The following PTPRM variants were observed in gnomAD, a reference collection of about 807,000 sequenced individuals.
PTPRM encodes protein tyrosine phosphatase receptor type M.
Under a neutral mutation model 186.7 loss-of-function variants are expected in PTPRM, and 47 were observed. The ratio of observed to expected loss-of-function variants is 0.25; its 90% CI spans 0.20 to 0.32. The LOEUF is 0.32. Ranked by LOEUF, PTPRM falls within the 10% of genes least tolerant of loss-of-function variation. PTPRM has a pLI of 1.00. For missense variants in PTPRM, 1,494 were observed against 1,865.0 expected, an observed-to-expected ratio of 0.80 and a Z score of 3.66; for synonymous variants, 668 against 674.9, an observed-to-expected ratio of 0.99 and a Z score of 0.16.
At chr18:7,929,768 C>A (rs1307623010) in intron 5 of PTPRM, among the ~76,000 whole-genome samples, 1 of 152,088 alleles carries the variant, frequency 6.6e-6, no homozygotes, top group Non-Finnish European at 1.5e-5. Context: ...TGCCCTCTTG[C>A]CCAGGACCCC....
chr18:8,151,607 C>T (rs1348495232), intron 14 of PTPRM, among the ~76,000 whole-genome samples: 4 of 150,888 alleles, frequency 2.7e-5, no homozygotes, highest in African/African-American at 9.8e-5. Flanking sequence ...CTGAGGCAGA[C>T]CACTTGGTTC....
chr18:8,392,438 C>T (rs986816236), intron 31 of PTPRM, among the ~76,000 whole-genome samples: 3 of 152,062 alleles, frequency 2.0e-5, no homozygotes, highest in Non-Finnish European at 2.9e-5. Flanking sequence ...TCCTGGCTAA[C>T]ACGGTGAAAC....
At chr18:7,643,398 G>C (rs1371988024) in intron 1 of PTPRM, among the ~76,000 whole-genome samples, 1 of 152,040 alleles carries the variant, frequency 6.6e-6, no homozygotes. Flanking sequence ...GGAGTGCAGT[G>C]GTGCAATCTT....
chr18:7,685,503 A>G (rs944420628), intron 1 of PTPRM, among the ~76,000 whole-genome samples: 1 of 152,192 alleles, frequency 6.6e-6, no homozygotes, highest in Non-Finnish European at 1.5e-5. Context: ...CAAAGACATA[A>G]TATGGATTAG....
intron 1 of PTPRM, among the ~76,000 whole-genome samples, chr18:7,621,619 A>G (rs1289379164): frequency 2.0e-5 from 3 of 152,118 alleles, no homozygotes; most frequent in African/African-American, 7.2e-5. Flanking sequence ...TGCTCCATCT[A>G]TACATCCATC....
At chr18:8,232,943 C>A (rs938315005) in intron 14 of PTPRM, among the ~76,000 whole-genome samples, 6 of 152,204 alleles carry the variant, frequency 3.9e-5, no homozygotes, top group South Asian at 2.1e-4. Flanking sequence ...AATTGTCAGT[C>A]GGCCATTTGG....
In PTPRM at chr18:8,240,788, GA is replaced by G. The variant is rs2094421742; in HGVS notation, c.2301-3269del. Among the ~76,000 whole-genome samples the G allele has an allele frequency of 1.7e-3, 129 of 75,238 alleles. 5 individuals are homozygous for G. The highest frequency in any genetic ancestry group is 5.6e-3 in the African/African-American group (116 of 20,624). 49.4% of individuals were successfully genotyped at this position (75,238 alleles called of 152,430 possible). ...AGGGAGAGAGAGAGGGAGAGAGAGAGAGAGAGAGAGAGAGAGAGAGAGAGAG... is the reference window on the plus strand; with the variant it reads ...AGGGAGAGAGAGAGGGAGAGAGAGAGGAGAGAGAGAGAGAGAGAGAGAGAG... On this transcript the variant is annotated intron_variant, in intron 14 of 32. Coordinates refer to ENST00000580170, the MANE Select transcript of PTPRM (RefSeq NM_001105244.2).
At chr18:7,716,050 C>A (rs997895414) in intron 1 of PTPRM, among the ~76,000 whole-genome samples, 4 of 152,168 alleles carry the variant, frequency 2.6e-5, no homozygotes, top group Non-Finnish European at 4.4e-5. Flanking sequence ...TCCATATAGT[C>A]AAGACAATCT....
chr18:7,753,344 A>G (rs2041314772), intron 1 of PTPRM, among the ~76,000 whole-genome samples: 1 of 152,108 alleles, frequency 6.6e-6, no homozygotes, highest in African/African-American at 2.4e-5. Flanking sequence ...ATATGTATAG[A>G]TATATTTATT....
intron 1 of PTPRM, among the ~76,000 whole-genome samples, chr18:7,655,099 C>T (rs1399018645): frequency 6.6e-6 from 1 of 152,050 alleles, no homozygotes; most frequent in African/African-American, 2.4e-5. Context: ...GAATTTTTTC[C>T]AGTTGTTCAT....
rs531272839 is a variant in PTPRM, at chr18:8,386,431, A to G, written c.4045-641A>G. Among the ~76,000 whole-genome samples, 5 of 152,234 alleles carry G rather than the reference A, an allele frequency of 3.3e-5. No homozygotes were observed. The East Asian group carries it at 9.7e-4, about 29-fold the overall frequency. Reference sequence around the variant, plus strand: ...TGGGAGAAGGACCAGCCAGTGAGGAAAGCGTGTTGACAAGAAGAGAGTGTC... The same window carrying G: ...TGGGAGAAGGACCAGCCAGTGAGGAGAGCGTGTTGACAAGAAGAGAGTGTC... On this transcript the variant is annotated intron_variant, in intron 30 of 32. Transcript: ENST00000580170.
In PTPRM at chr18:8,113,343, G is replaced by A. The variant is rs1600642829; in HGVS notation, c.1857-143G>A. On this transcript the variant is annotated intron_variant, in intron 11 of 32. Transcript: ENST00000580170. ...TTCACTGAGCAAGTGCTGCATGAGAGTCTGTTATATATCAAGCACTTAGTA... is the reference window on the plus strand; with the variant it reads ...TTCACTGAGCAAGTGCTGCATGAGAATCTGTTATATATCAAGCACTTAGTA... 4.3e-6 allele frequency: 3 copies of A among 692,014 alleles called. No homozygotes were observed. In the South Asian group the frequency reaches 5.8e-5, roughly 13 times the overall value. 42.9% of individuals were successfully genotyped at this position (692,014 alleles called of 1,614,324 possible). A position where few individuals can be genotyped will look rare whatever the true frequency, so the allele number is the denominator to read the frequency against.
chr18:7,868,006 A>G (rs920257077), intron 2 of PTPRM, among the ~76,000 whole-genome samples: 1 of 152,056 alleles, frequency 6.6e-6, no homozygotes, highest in Non-Finnish European at 1.5e-5. Flanking sequence ...ATACTTGTGT[A>G]TGCTTCACGA....
At chr18:8,384,330 C>A (rs556228566) in intron 29 of PTPRM, among the ~76,000 whole-genome samples, 1 of 152,202 alleles carries the variant, frequency 6.6e-6, no homozygotes, top group East Asian at 1.9e-4. Context: ...TGGTAGCACA[C>A]ACCTGTGGCC....
intron 4 of PTPRM, among the ~76,000 whole-genome samples, chr18:7,911,026 C>T (rs150036165): frequency 0.013 from 1,977 of 152,274 alleles, 19 homozygotes; most frequent in South Asian, 0.033. Context: ...AATGCAGTTG[C>T]GCTATATGTG....
intron 2 of PTPRM, among the ~76,000 whole-genome samples, chr18:7,872,906 A>G (rs970643535): frequency 9.2e-5 from 14 of 152,212 alleles, no homozygotes; most frequent in Admixed American, 2.6e-4. Flanking sequence ...GTGTTATTAT[A>G]TCATTTTATT....
chr18:7,573,358 A>G (rs2036607842), intron 1 of PTPRM, among the ~76,000 whole-genome samples: 1 of 152,084 alleles, frequency 6.6e-6, no homozygotes, highest in Admixed American at 6.5e-5. Flanking sequence ...GGGCCTGGGA[A>G]ACTGCACCAG....
chr18:8,082,260 A>G (rs370893230), intron 9 of PTPRM, among the ~76,000 whole-genome samples: 16 of 152,344 alleles, frequency 1.1e-4, no homozygotes, highest in African/African-American at 2.2e-4. Context: ...GTATATTTAA[A>G]TCATGATTTA....
At chr18:7,591,925 A>G (rs535420906) in intron 1 of PTPRM, among the ~76,000 whole-genome samples, 6 of 152,232 alleles carry the variant, frequency 3.9e-5, no homozygotes, top group African/African-American at 1.4e-4. Context: ...AGAGATTAAT[A>G]CCAACCTCAG....
Sources: gnomAD v4.1 joint callset for allele counts (sites outside exome capture counted in the v4.1 genomes callset) on GRCh38, gnomAD v4.1.1 for gene constraint, MANE v1.5 for transcripts, NCBI Gene and HGNC (gene_info 2026-07-23, HGNC 2026-07-21) for gene names.